The following DOP1A variants were observed in gnomAD, a reference collection of about 807,000 sequenced individuals.
The protein encoded by DOP1A is protein DOP1A.
Under a neutral mutation model 267.6 loss-of-function variants are expected in DOP1A, and 90 were observed. The ratio of observed to expected loss-of-function variants is 0.34; its 90% confidence interval spans 0.28 to 0.40. The LOEUF (loss-of-function observed/expected upper bound fraction) is 0.40. DOP1A is among the 10% of genes least tolerant of loss of function. DOP1A has a pLI of 1.00. For synonymous variants in DOP1A, 932 were observed against 999.1 expected (o/e 0.93, Z 1.27); for missense variants, 2,437 against 2,900.4 (o/e 0.84, Z 3.67).
chr6:83,152,120 T>G (rs1326012791), intron 29 of DOP1A, 93 bp downstream of exon 29: 1 of 1,444,562 alleles, frequency 6.9e-7, no homozygotes, highest in East Asian at 2.3e-5. Flanking sequence ...ACCACAAATT[T>G]ATCCCTTTTC....
chr6:83,127,467 C>T (rs1476323767), intron 15 of DOP1A, among the ~76,000 whole-genome samples: 7 of 152,124 alleles, frequency 4.6e-5, no homozygotes, highest in Admixed American at 3.9e-4. Context: ...ATAAGATAGG[C>T]AGAGGCCAGG....
At chr6:83,075,967 A>G (rs1204623976) in intron 1 of DOP1A, among the ~76,000 whole-genome samples, 1 of 152,224 alleles carries the variant, frequency 6.6e-6, no homozygotes, top group Non-Finnish European at 1.5e-5. Flanking sequence ...CACAGACAAT[A>G]AAAGCAAAAA....
At chr6:83,166,356 T>G (rs1481416424) in intron 38 of DOP1A, 2 of 697,392 alleles carry the variant, frequency 2.9e-6, no homozygotes, top group Non-Finnish European at 5.2e-6. Flanking sequence ...TCTTCAAGGC[T>G]CTAGTCTCCT....
At chr6:83,132,049 A>G (rs1778136071) in intron 17 of DOP1A, 127 bp from the exon 18 acceptor site, 1 of 1,092,700 alleles carries the variant, frequency 9.2e-7, no homozygotes, top group South Asian at 1.6e-5. Context: ...CCTCATCCCC[A>G]TGCAGTAGAA....
At chr6:83,140,731 T>C (rs562103283) in intron 23 of DOP1A, among the ~76,000 whole-genome samples, 1 of 152,182 alleles carries the variant, frequency 6.6e-6, no homozygotes, top group East Asian at 1.9e-4. Flanking sequence ...ACCACGAATC[T>C]ATTCTCTCCA....
intron 1 of DOP1A, among the ~76,000 whole-genome samples, chr6:83,085,565 CA>C (rs1007772531): frequency 1.2e-4 from 18 of 152,162 alleles, no homozygotes; most frequent in African/African-American, 4.3e-4. Context: ...TAGAGAATAG[CA>C]AGAACAAAAT....
At chr6:83,165,751 A>G (rs1016003736) in intron 38 of DOP1A, 8 of 239,446 alleles carry the variant, frequency 3.3e-5, no homozygotes, top group Admixed American at 3.3e-4. Flanking sequence ...AATTAGTTCA[A>G]TTTTCGAAGC....
At chr6:83,082,484 G>A (rs1337549484) in intron 1 of DOP1A, among the ~76,000 whole-genome samples, 1 of 152,166 alleles carries the variant, frequency 6.6e-6, no homozygotes, top group Non-Finnish European at 1.5e-5. Flanking sequence ...GTAGAGAATA[G>A]AATGGTGCTT....
chr6:83,167,851 G>T lies in DOP1A; in HGVS notation c.7093-11G>T, dbSNP rs757265341. The stretch of plus-strand genomic sequence containing the variant: ...TTGTATTAATACCAGTTCACTTTTT[G>T]TTTTCTGCAGAAAAATCCAGAGGAA... On this transcript the variant is annotated splice_polypyrimidine_tract_variant and intron_variant, in intron 38 of 38. Coordinates refer to ENST00000349129, the MANE Select transcript of DOP1A (RefSeq NM_015018.4). The T allele has an allele frequency of 6.3e-6, 10 of 1,589,084 alleles. No individual in the cohort carries two copies. Among genetic ancestry groups the T allele is most frequent in the Middle Eastern group, 1.7e-4 (1 of 5,908 alleles).
At chr6:83,075,699 G>A (rs781261727) in intron 1 of DOP1A, among the ~76,000 whole-genome samples, 3 of 152,134 alleles carry the variant, frequency 2.0e-5, no homozygotes, top group Non-Finnish European at 2.9e-5. Context: ...TAGTTTATAC[G>A]GTCCAACAGT....
At chr6:83,121,818 C>A in intron 10 of DOP1A, 112 bp from the exon 11 acceptor site, 1 of 1,092,006 alleles carries the variant, frequency 9.2e-7, no homozygotes, top group Non-Finnish European at 1.3e-6. Flanking sequence ...TGAAGAAATA[C>A]TATTTTAAAA....
intron 1 of DOP1A, among the ~76,000 whole-genome samples, chr6:83,073,669 C>T (rs984768258): frequency 2.6e-5 from 4 of 152,202 alleles, no homozygotes; most frequent in Admixed American, 1.3e-4. Context: ...GTATCTCACA[C>T]AATTTTTGTC....
intron 1 of DOP1A, among the ~76,000 whole-genome samples, chr6:83,090,139 ACG>A (rs1346395512): frequency 1.3e-5 from 2 of 152,170 alleles, no homozygotes. Context: ...GGAAATAATG[ACG>A]ACAACTGTTT....
Position 83,158,629 on chromosome 6 carries a change from T to C in DOP1A, c.6797+7T>C. The C allele has an allele frequency of 6.3e-7, 1 of 1,593,984 alleles. No homozygotes were observed. Among genetic ancestry groups the C allele is most frequent in the Non-Finnish European group, 8.6e-7 (1 of 1,165,046 alleles). On this transcript the variant is annotated splice_region_variant and intron_variant, in intron 36 of 38. Coordinates refer to ENST00000349129, the MANE Select transcript of DOP1A (RefSeq NM_015018.4). Reference sequence around the variant, plus strand: ...CTGATGAAGATATTTCACGGTAATATGTAATTTAAATATATTGTTGTCCAT... The same window carrying C: ...CTGATGAAGATATTTCACGGTAATACGTAATTTAAATATATTGTTGTCCAT...
Position 83,159,929 on chromosome 6 carries a change from T to C in DOP1A, c.6931T>C (p.Leu2311=), listed in dbSNP as rs1025716928. ...ACKFLDLALA[L]PSENLPQFQM... ...CAAATTTTTGGATTTGGCTCTCGCATTGCCCTCTGAAAACCTTCCTCAGTT... is the reference window on the plus strand; with the variant it reads ...CAAATTTTTGGATTTGGCTCTCGCACTGCCCTCTGAAAACCTTCCTCAGTT... The change falls in exon 37 of 39, where the codon TTG becomes CTG. Residue 2311 remains leucine, a synonymous_variant. Coordinates refer to ENST00000349129, the MANE Select transcript of DOP1A (RefSeq NM_015018.4). 1.2e-6 allele frequency: 2 copies of C among 1,614,166 alleles called. No individual in the cohort carries two copies. The highest frequency in any genetic ancestry group is 1.7e-6 in the Non-Finnish European group (2 of 1,180,022).
intron 1 of DOP1A, among the ~76,000 whole-genome samples, chr6:83,089,268 A>G (rs1198652095): frequency 6.6e-6 from 1 of 152,212 alleles, no homozygotes; most frequent in Non-Finnish European, 1.5e-5. Flanking sequence ...ACTTTTAAAA[A>G]TTGAGATGGT....
At chr6:83,143,193 G>T (rs1779926586) in intron 24 of DOP1A, among the ~76,000 whole-genome samples, 1 of 152,126 alleles carries the variant, frequency 6.6e-6, no homozygotes, top group South Asian at 2.1e-4. Flanking sequence ...CAAGGCGGGA[G>T]GATTGCTTGA....
intron 18 of DOP1A, 40 bp downstream of exon 18, chr6:83,132,368 C>G: frequency 6.8e-7 from 1 of 1,465,766 alleles, no homozygotes. Flanking sequence ...CCCTCCGCCA[C>G]ACACACACAC....
At chr6:83,115,441 G>A (rs1775254544) in intron 7 of DOP1A, among the ~76,000 whole-genome samples, 2 of 152,138 alleles carry the variant, frequency 1.3e-5, no homozygotes, top group South Asian at 2.1e-4. Context: ...AATACATTGT[G>A]GCCGGGTGTG....
Sources: allele counts gnomAD v4.1 joint callset (sites outside exome capture counted in the v4.1 genomes callset), GRCh38; gene constraint gnomAD v4.1.1; transcripts MANE v1.5; gene names NCBI Gene and HGNC (gene_info 2026-07-23, HGNC 2026-07-21).